SORCS2: variants seen among roughly 807,000 people sequenced by gnomAD.
The protein encoded by SORCS2 is VPS10 domain-containing receptor SorCS2.
SORCS2 carries 100 observed loss-of-function variants against 141.6 expected under a neutral mutation model. The observed-to-expected ratio is 0.71, with a 90% CI of 0.60 to 0.83. The LOEUF is 0.83. Ranked by LOEUF, SORCS2 falls within the 40% of genes least tolerant of loss-of-function variation. The probability of loss-of-function intolerance (pLI) is 0.00; values close to 1 mark genes in which losing one functional copy is unlikely to be tolerated. For synonymous variants in SORCS2, 789 were observed against 676.9 expected, an observed-to-expected ratio of 1.17 and a Z score of -2.57; for missense variants, 1,646 against 1,560.2, an observed-to-expected ratio of 1.05 and a Z score of -0.93.
intron 5 of SORCS2, among the ~76,000 whole-genome samples, chr4:7,656,148 G>T (rs1721761676): frequency 6.6e-6 from 1 of 152,210 alleles, no homozygotes; most frequent in African/African-American, 2.4e-5. Context: ...AGCGGGAATT[G>T]CCAAAGCCCC....
chr4:7,520,420 T>C (rs1733252207), intron 2 of SORCS2, among the ~76,000 whole-genome samples: 3 of 152,082 alleles, frequency 2.0e-5, no homozygotes, highest in Admixed American at 2.0e-4. Context: ...CCTATTTCCA[T>C]CCCTAAGGTG....
chr4:7,580,836 G>A (rs978134626), intron 3 of SORCS2, among the ~76,000 whole-genome samples: 1 of 152,170 alleles, frequency 6.6e-6, no homozygotes, highest in African/African-American at 2.4e-5. Context: ...CTCAGTTTTA[G>A]GGGGTGAAAA....
At chr4:7,511,670 G>T (rs1732662630) in intron 2 of SORCS2, among the ~76,000 whole-genome samples, 2 of 152,114 alleles carry the variant, frequency 1.3e-5, no homozygotes, top group Non-Finnish European at 2.9e-5. Flanking sequence ...CTGGGGGCTG[G>T]GGACAGGTGG....
In SORCS2 at chr4:7,740,815, C is replaced by A; in HGVS notation, c.*551C>A. On this transcript the variant is annotated 3_prime_UTR_variant, in exon 27 of 27. Coordinates refer to ENST00000507866, the MANE Select transcript of SORCS2 (RefSeq NM_020777.3). ...CCTGCCCTCCGGCTGGAAACTGCAG[C>A]TCTGTAAATGCCTCTCTAGGTAGCT... 2 of 380,278 alleles carry A rather than the reference C, an allele frequency of 5.3e-6. No individual in the cohort carries two copies. The highest frequency in any genetic ancestry group is 9.3e-6 in the Non-Finnish European group (2 of 214,596). The allele number at this position is 380,278 out of a possible 1,614,324, so 23.6% of individuals were successfully genotyped here.
intron 1 of SORCS2, among the ~76,000 whole-genome samples, chr4:7,299,073 G>A (rs1717263528): frequency 6.6e-6 from 1 of 152,260 alleles, no homozygotes; most frequent in Non-Finnish European, 1.5e-5. Context: ...TCCCCCAGCT[G>A]GGCACATAAA....
chr4:7,674,313 C>T (rs1007879327), intron 8 of SORCS2, among the ~76,000 whole-genome samples: 1 of 152,086 alleles, frequency 6.6e-6, no homozygotes, highest in Non-Finnish European at 1.5e-5. Context: ...GGCGCGGTGG[C>T]TCACGCCTGT....
At chr4:7,667,347 C>T (rs544108270) in intron 8 of SORCS2, 134 bp downstream of exon 8, 47 of 768,536 alleles carry the variant, frequency 6.1e-5, no homozygotes, top group Non-Finnish European at 9.7e-5. Context: ...GGCCACGCTT[C>T]GTCCAGCTGC....
chr4:7,382,557 A>G (rs950434739), intron 1 of SORCS2, among the ~76,000 whole-genome samples: 1 of 152,202 alleles, frequency 6.6e-6, no homozygotes, highest in Non-Finnish European at 1.5e-5. Flanking sequence ...ACTGGACTGC[A>G]AATCCTGAAA....
At chr4:7,457,920 C>T (rs1386350923) in intron 2 of SORCS2, among the ~76,000 whole-genome samples, 1 of 151,940 alleles carries the variant, frequency 6.6e-6, no homozygotes, top group Admixed American at 6.5e-5. Context: ...GGGGTGTCCA[C>T]ACCACTAGCC....
At position 7,676,895 on chromosome 4, in the gene SORCS2, TCTCTCTCTCTCC is replaced by T. The variant is rs1427318139; in HGVS notation, c.1341+674_1341+685del. On this transcript the variant is annotated intron_variant, in intron 9 of 26. Coordinates refer to ENST00000507866, the MANE Select transcript of SORCS2 (RefSeq NM_020777.3). ...CCTCTCTGTGTCTGAAGTTGGCCTC[TCTCTCTCTCTCC>T]CTCTCTCCCTCTCTCCCTCTCTCCC... Among the ~76,000 whole-genome samples, 6 of 23,836 alleles carry T rather than the reference TCTCTCTCTCTCC, an allele frequency of 2.5e-4. 1 individual carries two copies. Among genetic ancestry groups the T allele is most frequent in the Admixed American group, 1.0e-3 (2 of 1,954 alleles). The allele number at this position is 23,836 out of a possible 152,430, so 15.6% of individuals were successfully genotyped here. A position where few individuals can be genotyped will look rare whatever the true frequency, so the allele number is the denominator to read the frequency against.
rs543565827 is a variant in SORCS2, at chr4:7,219,833, G to A, written c.480+26707G>A. Among the ~76,000 whole-genome samples the A allele has an allele frequency of 1.4e-4, 10 of 69,050 alleles. No individual in the cohort carries two copies. In the South Asian group the frequency reaches 3.4e-3, roughly 24 times the overall value. 45.3% of individuals were successfully genotyped at this position (69,050 alleles called of 152,430 possible). On this transcript the variant is annotated intron_variant, in intron 1 of 26. Transcript: ENST00000507866. ...GGGCCTGTGGGTGGCCCGCAGGGCA[G>A]GAGGACCCTGATGTGCAGGGCACAG... is the stretch of plus-strand genomic sequence containing the variant.
Position 7,505,047 on chromosome 4 carries a change from A to T in SORCS2, c.549-26483A>T, listed in dbSNP as rs1328803501. Among the ~76,000 whole-genome samples, 11 of 152,192 alleles carry T rather than the reference A, an allele frequency of 7.2e-5. No homozygotes were observed. In the East Asian group the frequency reaches 1.9e-3, roughly 27 times the overall value. On this transcript the variant is annotated intron_variant, in intron 2 of 26. Coordinates refer to ENST00000507866, the MANE Select transcript of SORCS2 (RefSeq NM_020777.3). ...GTCAATAGGGGTGAAAAGGATGGAA[A>T]CCTGGAGCGCCGGGAGGGATGGGGA...
At chr4:7,716,640 CCCATCCATCTAT>C (rs1169467437) in intron 17 of SORCS2, among the ~76,000 whole-genome samples, 1 of 151,060 alleles carries the variant, frequency 6.6e-6, no homozygotes, top group East Asian at 2.0e-4. Context: ...CATCCATCTA[CCCATCCATCTAT>C]CCATCCACCA....
chr4:7,419,538 C>T (rs1346591900), intron 2 of SORCS2, among the ~76,000 whole-genome samples: 1 of 152,220 alleles, frequency 6.6e-6, no homozygotes, highest in Non-Finnish European at 1.5e-5. Context: ...CAATCCTCTG[C>T]CTATTTGCAA....
intron 3 of SORCS2, among the ~76,000 whole-genome samples, chr4:7,615,353 G>T (rs1718690752): frequency 6.6e-6 from 1 of 152,250 alleles, no homozygotes; most frequent in African/African-American, 2.4e-5. Flanking sequence ...GACAAATGGG[G>T]CTATGGAGTG....
At chr4:7,609,846 C>T (rs1194808482) in intron 3 of SORCS2, among the ~76,000 whole-genome samples, 4 of 152,260 alleles carry the variant, frequency 2.6e-5, no homozygotes, top group African/African-American at 7.2e-5. Flanking sequence ...CCCCTCTGCT[C>T]AGTGTGTGGA....
chr4:7,407,017 T>C (rs1211101097), intron 2 of SORCS2, among the ~76,000 whole-genome samples: 1 of 152,198 alleles, frequency 6.6e-6, no homozygotes, highest in Admixed American at 6.5e-5. Context: ...AATTGATTTC[T>C]AGTTTTATTT....
chr4:7,413,859 T>C (rs1725490154), intron 2 of SORCS2, among the ~76,000 whole-genome samples: 1 of 152,216 alleles, frequency 6.6e-6, no homozygotes, highest in African/African-American at 2.4e-5. Flanking sequence ...CCCACGTCTC[T>C]ATGTTCTTAG....
chr4:7,586,690 C>T (rs1306868301), intron 3 of SORCS2, among the ~76,000 whole-genome samples: 1 of 152,184 alleles, frequency 6.6e-6, no homozygotes. Context: ...CATAGTATTC[C>T]ATGGTGTATA....
Sources: gnomAD v4.1 joint callset for allele counts (sites outside exome capture counted in the v4.1 genomes callset) on GRCh38, gnomAD v4.1.1 for gene constraint, MANE v1.5 for transcripts, NCBI Gene and HGNC (gene_info 2026-07-23, HGNC 2026-07-21) for gene names.